The following FHAD1 variants were observed in gnomAD, a reference collection of about 807,000 sequenced individuals.
The protein encoded by FHAD1 is forkhead associated phosphopeptide binding domain 1.
A neutral mutation model predicts 191.3 loss-of-function variants in FHAD1; 146 were observed. The ratio of observed to expected loss-of-function variants is 0.76; its 90% CI spans 0.67 to 0.88. FHAD1 has a LOEUF of 0.88. Ranked by LOEUF, FHAD1 falls within the 40% of genes least tolerant of loss-of-function variation. FHAD1 has a pLI of 0.00. For synonymous variants in FHAD1, 616 were observed against 672.3 expected (o/e 0.92, Z 1.29); for missense variants, 1,635 against 1,785.8 (o/e 0.92, Z 1.52).
At chr1:15,339,751 T>G (rs140659484) in intron 15 of FHAD1, among the ~76,000 whole-genome samples, 200 bp downstream of exon 15, 4 of 152,142 alleles carry the variant, frequency 2.6e-5, no homozygotes, top group African/African-American at 9.7e-5. Flanking sequence ...GTAAGGACAA[T>G]GACAGGGTGC....
At chr1:15,374,664 A>T (rs1242217025) in intron 27 of FHAD1, 33 bp downstream of exon 27, 2 of 1,548,874 alleles carry the variant, frequency 1.3e-6, no homozygotes, top group Non-Finnish European at 1.7e-6. Flanking sequence ...AGAGCAGTGG[A>T]CCCCAGACTC....
chr1:15,290,694 C>CT (rs34777607), intron 4 of FHAD1, among the ~76,000 whole-genome samples: 4,363 of 138,268 alleles, frequency 0.032, 242 homozygotes, highest in East Asian at 0.24. Flanking sequence ...TTAATATGAA[C>CT]TTTTTTTTTT....
chr1:15,357,969 GCATGGA>G, intron 20 of FHAD1, 135 bp from the exon 21 acceptor site: 1 of 611,470 alleles, frequency 1.6e-6, no homozygotes, highest in Non-Finnish European at 2.8e-6. Flanking sequence ...TCCAGAGAAG[GCATGGA>G]CTTTGTGCTT....
intron 14 of FHAD1, among the ~76,000 whole-genome samples, chr1:15,330,298 G>T (rs1428242802): frequency 6.6e-6 from 1 of 152,194 alleles, no homozygotes; most frequent in African/African-American, 2.4e-5. Context: ...TCTCCTAGAG[G>T]TGGAGAGGTA....
intron 4 of FHAD1, among the ~76,000 whole-genome samples, chr1:15,295,717 A>T (rs1666725776): frequency 6.6e-6 from 1 of 152,340 alleles, no homozygotes; most frequent in Middle Eastern, 3.4e-3. Context: ...GAACCCACAC[A>T]TATGGGGGGC....
chr1:15,339,574 T>C lies in FHAD1; in HGVS notation c.1977+23T>C, dbSNP rs1402135153. ...CAGGTAATTCTTTTAATTTCTTTTT[T>C]TCCAAAGTTCATTTCGGCCCCTGGT... On this transcript the variant is annotated intron_variant, in intron 15 of 33. Transcript: ENST00000688493. 11 of 1,218,930 alleles carry C rather than the reference T, an allele frequency of 9.0e-6. No individual in the cohort carries two copies. In the East Asian group the frequency reaches 2.8e-4, roughly 31 times the overall value. 75.5% of individuals were successfully genotyped at this position (1,218,930 alleles called of 1,614,324 possible). A position where few individuals can be genotyped will look rare whatever the true frequency, so the allele number is the denominator to read the frequency against.
intron 21 of FHAD1, 62 bp downstream of exon 21, chr1:15,358,345 G>T: frequency 6.8e-7 from 1 of 1,467,104 alleles, no homozygotes; most frequent in South Asian, 1.3e-5. Context: ...ACAGTGCCAC[G>T]AGAATGTGTG....
Position 15,301,410 on chromosome 1 carries a change from A to C in FHAD1, c.884A>C (p.Lys295Thr), listed in dbSNP as rs181294222. ...CQVLDEDIDA[K>T]QKEIQSLKSQ... Reference sequence around the variant, plus strand: ...GTTCTGGATGAAGACATCGATGCCAAACAGAAAGAGATCCAGAGCTTGAAA... The same window carrying C: ...GTTCTGGATGAAGACATCGATGCCACACAGAAAGAGATCCAGAGCTTGAAA... Residue 295 changes from lysine to threonine, a missense_variant, in exon 6 of 34, where the codon AAA becomes ACA. Physicochemically the swap from Lys to Thr is moderately conservative, Grantham distance 78 (BLOSUM62 -1). Coordinates refer to ENST00000688493, the MANE Select transcript of FHAD1 (RefSeq NM_001391957.1). 285 of 1,551,756 alleles carry C rather than the reference A, an allele frequency of 1.8e-4. 3 individuals carry two copies. The South Asian group carries it at 3.2e-3, about 17-fold the overall frequency.
At chr1:15,350,809 G>T (rs924206418) in intron 19 of FHAD1, among the ~76,000 whole-genome samples, 12 of 152,208 alleles carry the variant, frequency 7.9e-5, no homozygotes, top group Non-Finnish European at 8.8e-5. Flanking sequence ...GCACAGCAGG[G>T]TGGGGGCTGC....
intron 7 of FHAD1, among the ~76,000 whole-genome samples, chr1:15,309,410 T>C (rs1485692678): frequency 2.0e-5 from 3 of 152,174 alleles, no homozygotes; most frequent in Non-Finnish European, 2.9e-5. Flanking sequence ...CTCATGGGGC[T>C]CACACTTGGG....
intron 27 of FHAD1, 76 bp downstream of exon 27, chr1:15,374,707 G>A: frequency 6.6e-7 from 1 of 1,519,936 alleles, no homozygotes; most frequent in South Asian, 1.2e-5. Flanking sequence ...AGTTTGCCAG[G>A]ACTACCATGT....
intron 21 of FHAD1, 59 bp from the exon 22 acceptor site, chr1:15,360,416 ATAT>A: frequency 7.0e-7 from 1 of 1,423,002 alleles, no homozygotes. Flanking sequence ...CCCAGGGGGC[ATAT>A]TATTGTTGCC....
rs1287137121 is a variant in FHAD1 at position 15,341,776 on chromosome 1, T to C, written c.2018T>C (p.Leu673Pro). The C allele has an allele frequency of 2.6e-6, 4 of 1,551,896 alleles. No homozygotes were observed. In the South Asian group the frequency reaches 4.8e-5, roughly 18 times the overall value. ...TCTCAGGAAACTCAGCAGTCTTTAC[T>C]GCAGGAAAAGCTGCGGGAGCATCTG... ...NSSQETQQSL[L>P]QEKLREHLAE... Residue 673 changes from leucine (L) to proline (P), a missense_variant, in exon 16 of 34, where the codon CTG becomes CCG. Physicochemically the swap from Leu to Pro is moderately conservative, Grantham distance 98. Transcript: ENST00000688493.
intron 26 of FHAD1, among the ~76,000 whole-genome samples, chr1:15,370,604 G>A (rs1176242369): frequency 6.6e-6 from 1 of 152,188 alleles, no homozygotes; most frequent in Admixed American, 6.5e-5. Context: ...TGTCTTGGTA[G>A]CTGTTCCATG....
intron 3 of FHAD1, among the ~76,000 whole-genome samples, chr1:15,275,179 G>GTC (rs1170352979): frequency 6.6e-6 from 1 of 152,054 alleles, no homozygotes; most frequent in Non-Finnish European, 1.5e-5. Flanking sequence ...AGCCAGGATG[G>GTC]TCTCGATCTC....
chr1:15,342,398 A>C (rs1212647146), intron 16 of FHAD1, among the ~76,000 whole-genome samples: 1 of 152,192 alleles, frequency 6.6e-6, no homozygotes, highest in Non-Finnish European at 1.5e-5. Flanking sequence ...TAAGATGCAG[A>C]TTCTGTCTCA....
chr1:15,254,506 C>A (rs373649591), intron 2 of FHAD1, among the ~76,000 whole-genome samples: 1 of 83,698 alleles, frequency 1.2e-5, no homozygotes, highest in African/African-American at 5.0e-5. Flanking sequence ...TTTTTGTTCA[C>A]AGTAAGGTGG....
intron 1 of FHAD1, among the ~76,000 whole-genome samples, chr1:15,247,649 G>C (rs1340810272): frequency 6.6e-6 from 1 of 152,150 alleles, no homozygotes; most frequent in Admixed American, 6.5e-5. Context: ...GCCACTCTGG[G>C]AAGTCCTGGG....
intron 15 of FHAD1, among the ~76,000 whole-genome samples, chr1:15,340,471 C>T (rs1686108902): frequency 6.6e-6 from 1 of 152,144 alleles, no homozygotes; most frequent in Non-Finnish European, 1.5e-5. Flanking sequence ...CCCTGTGTCT[C>T]TCATCCCCCA....
Sources: allele counts gnomAD v4.1 joint callset (sites outside exome capture counted in the v4.1 genomes callset), GRCh38; gene constraint gnomAD v4.1.1; transcripts MANE v1.5; gene names NCBI Gene and HGNC (gene_info 2026-07-23, HGNC 2026-07-21).